The following ERMP1 variants were observed in gnomAD, a reference collection of about 807,000 sequenced individuals.
ERMP1 encodes the protein endoplasmic reticulum metallopeptidase 1.
A neutral mutation model predicts 92.0 loss-of-function variants in ERMP1; 86 were observed. That is an observed-to-expected ratio of 0.93 (90% CI 0.79 to 1.12). The LOEUF (loss-of-function observed/expected upper bound fraction) is 1.12. Among genes scored for constraint, ERMP1 ranks in the 50% most tolerant of loss-of-function variants. ERMP1 has a pLI of 0.00. For synonymous variants in ERMP1, 530 were observed against 412.8 expected (o/e 1.28, Z -3.44); for missense variants, 1,342 against 1,116.3 (o/e 1.20, Z -2.88).
At chr9:5,822,071 T>C (rs1829560378) in intron 4 of ERMP1, among the ~76,000 whole-genome samples, 1 of 152,022 alleles carries the variant, frequency 6.6e-6, no homozygotes, top group African/African-American at 2.4e-5. Context: ...CTGGGCAACA[T>C]GGCCAAACCC....
intron 5 of ERMP1, among the ~76,000 whole-genome samples, chr9:5,863,034 G>C (rs1429320651): frequency 1.3e-5 from 2 of 152,088 alleles, no homozygotes; most frequent in Admixed American, 1.3e-4. Flanking sequence ...GCCCATTTTT[G>C]CTTTGAGTTT....
At chr9:5,813,137 G>A (rs995776196) in intron 4 of ERMP1, 102 bp from the exon 5 acceptor site, 12 of 1,220,258 alleles carry the variant, frequency 9.8e-6, no homozygotes, top group Admixed American at 5.6e-5. Flanking sequence ...GGTGGTTTTG[G>A]GAGACGGGTC....
At chr9:5,843,114 C>T (rs540684504) in intron 6 of ERMP1, among the ~76,000 whole-genome samples, 1 of 152,290 alleles carries the variant, frequency 6.6e-6, no homozygotes, top group African/African-American at 2.4e-5. Flanking sequence ...GAGCATTTAC[C>T]AACCATTTCC....
chr9:5,860,251 G>A (rs552039218), intron 5 of ERMP1, among the ~76,000 whole-genome samples: 1 of 151,416 alleles, frequency 6.6e-6, no homozygotes, highest in Admixed American at 6.6e-5. Flanking sequence ...GTTGCAGTAA[G>A]CTGTAATTGT....
Position 5,809,999 on chromosome 9 carries a change from C to A in ERMP1, c.1548+12G>T. ...CAACAGAAAGAAATCAACAAATATA[C>A]CAAACACTTACCATGTAATAAAATC... is the stretch of plus-strand genomic sequence containing the variant. On this transcript the variant is annotated intron_variant, in intron 8 of 14. Transcript: ENST00000339450. 1 of 1,543,490 alleles carries A rather than the reference C, an allele frequency of 6.5e-7. No homozygotes were observed. The highest frequency in any genetic ancestry group is 1.7e-4 in the Middle Eastern group (1 of 5,942).
At chr9:5,861,253 GA>G (rs34578556) in intron 5 of ERMP1, among the ~76,000 whole-genome samples, 39 of 144,032 alleles carry the variant, frequency 2.7e-4, no homozygotes, top group African/African-American at 9.5e-4. Context: ...ACTGGAGAGG[GA>G]AAAAAAATCA....
At chr9:5,789,596 G>A (rs758783657) in intron 13 of ERMP1, among the ~76,000 whole-genome samples, 3 of 152,218 alleles carry the variant, frequency 2.0e-5, no homozygotes, top group Admixed American at 2.0e-4. Flanking sequence ...CTAGGTTCGA[G>A]TGCAGTGGTG....
chr9:5,819,865 G>A (rs1028881860), intron 4 of ERMP1, among the ~76,000 whole-genome samples: 1 of 152,158 alleles, frequency 6.6e-6, no homozygotes, highest in African/African-American at 2.4e-5. Context: ...GCCTAGGGAT[G>A]GGGGAAAATG....
At chr9:5,819,508 C>G (rs932619092) in intron 4 of ERMP1, among the ~76,000 whole-genome samples, 1 of 152,232 alleles carries the variant, frequency 6.6e-6, no homozygotes, top group African/African-American at 2.4e-5. Context: ...CAATCTCAGA[C>G]TGGTGCCACC....
intron 6 of ERMP1, among the ~76,000 whole-genome samples, chr9:5,846,741 C>T (rs1313942338): frequency 6.6e-6 from 1 of 152,190 alleles, no homozygotes; most frequent in Non-Finnish European, 1.5e-5. Flanking sequence ...TGTGGTTCAA[C>T]ATTAATCACC....
At chr9:5,827,245 G>A (rs770437399) in intron 2 of ERMP1, among the ~76,000 whole-genome samples, 6 of 152,174 alleles carry the variant, frequency 3.9e-5, no homozygotes, top group East Asian at 1.9e-4. Flanking sequence ...GGATTTAGGT[G>A]ATAGTCTATT....
At chr9:5,813,330 A>C (rs930546216) in intron 4 of ERMP1, among the ~76,000 whole-genome samples, 1 of 152,190 alleles carries the variant, frequency 6.6e-6, no homozygotes, top group African/African-American at 2.4e-5. Flanking sequence ...TATCAATTGT[A>C]TATCTTTAAT....
chr9:5,858,851 T>G (rs144956938), intron 6 of ERMP1, among the ~76,000 whole-genome samples: 1 of 152,212 alleles, frequency 6.6e-6, no homozygotes, highest in Non-Finnish European at 1.5e-5. Flanking sequence ...GATGGGAACA[T>G]AGCATAACCT....
chr9:5,787,235 C>G lies in ERMP1; in HGVS notation c.2624G>C (p.Arg875Thr), dbSNP rs1280887382. The G allele has an allele frequency of 3.1e-6, 5 of 1,613,988 alleles. No homozygotes were observed. In the African/African-American group the frequency reaches 5.3e-5, roughly 17 times the overall value. The change falls in exon 15 of 15, where the codon AGA (arginine) becomes ACA (threonine). Residue 875 changes from arginine to threonine, a missense_variant. Physicochemically the swap from Arg to Thr is moderately conservative, Grantham distance 71. Transcript: ENST00000339450. ...CTTCAGAGCATCCAGTTGAGGGGAT[C>G]TCTTGTCTTCCCCAGACAGATAGTG... Reference protein sequence around the residue: ...AAHYLSGEDKRSPQLDALKEK... With the variant: ...AAHYLSGEDKTSPQLDALKEK...
upstream of ERMP1, among the ~76,000 whole-genome samples, chr9:5,833,893 G>A (rs1192661011): frequency 1.3e-5 from 2 of 152,194 alleles, no homozygotes; most frequent in African/African-American, 4.8e-5. Flanking sequence ...TGGTTTCAGT[G>A]CAGATCCTAG....
chr9:5,842,258 G>A (rs932892086), intron 6 of ERMP1, among the ~76,000 whole-genome samples: 2 of 152,050 alleles, frequency 1.3e-5, no homozygotes, highest in Non-Finnish European at 2.9e-5. Context: ...CGTTTTTACA[G>A]AGTGATGATT....
intron 6 of ERMP1, among the ~76,000 whole-genome samples, chr9:5,854,482 T>G (rs1226042631): frequency 1.3e-5 from 2 of 152,172 alleles, no homozygotes; most frequent in Non-Finnish European, 2.9e-5. Flanking sequence ...AAATACATTT[T>G]GCTGTCTTGA....
At position 5,811,227 on chromosome 9, in the gene ERMP1, A is replaced by C; in HGVS notation, c.1211T>G (p.Val404Gly). The change falls in exon 7 of 15, where the codon GTG becomes GGG. Residue 404 changes from valine to glycine, a missense_variant. Val to Gly is a moderately radical substitution (Grantham distance 109, BLOSUM62 -3). Transcript: ENST00000339450. ...GTAGGCAATGACAAACAGGCCCAGC[A>C]CATCAAAGAAGACCATGTTTCCATG... ...YRHGNMVFFD[V>G]LGLFVIAYPS... is the part of the protein sequence containing the mutation. 6.2e-7 allele frequency: 1 copy of C among 1,614,140 alleles called. No individual in the cohort carries two copies. The highest frequency in any genetic ancestry group is 8.5e-7 in the Non-Finnish European group (1 of 1,179,992).
At chr9:5,821,973 G>A (rs867684091) in intron 4 of ERMP1, among the ~76,000 whole-genome samples, 2 of 152,190 alleles carry the variant, frequency 1.3e-5, no homozygotes, top group African/African-American at 4.8e-5. Context: ...ATAGAAAGAG[G>A]CCGGGCGTGG....
Sources: allele counts gnomAD v4.1 joint callset (sites outside exome capture counted in the v4.1 genomes callset), GRCh38; gene constraint gnomAD v4.1.1; transcripts MANE v1.5; gene names NCBI Gene and HGNC (gene_info 2026-07-23, HGNC 2026-07-21).